AKAP6: variants seen among roughly 807,000 people sequenced by gnomAD.
The protein encoded by AKAP6 is A-kinase anchoring protein 6.
In AKAP6, 58 loss-of-function variants were observed where a neutral mutation model predicts 188.5. The observed-to-expected ratio is 0.31, with a 90% CI of 0.25 to 0.38. The LOEUF is 0.38. Among genes scored for constraint, AKAP6 ranks in the 10% least tolerant of loss-of-function variants. AKAP6 has a pLI of 1.00. For synonymous variants in AKAP6, 989 were observed against 998.6 expected (o/e 0.99, Z 0.18); for missense variants, 2,710 against 2,740.0 (o/e 0.99, Z 0.24).
In AKAP6 at chr14:32,433,539, C is replaced by G; in HGVS notation, c.46C>G (p.Leu16Val). ...ACTTTCCCCCCTGAGGTCACAGGACCTGGATCCCATGGCTACTGATGCTTC... is the reference window on the plus strand; with the variant it reads ...ACTTTCCCCCCTGAGGTCACAGGACGTGGATCCCATGGCTACTGATGCTTC... ...VTLSPLRSQD[L>V]DPMATDASPM... Residue 16 changes from leucine (L) to valine (V), a missense_variant, in exon 2 of 14, where the codon CTG becomes GTG. Around this residue, in one of 2 missense-constraint regions of AKAP6, gnomAD observed 237 missense variants for 313.9 expected, o/e 0.76. Coordinates refer to ENST00000280979, the MANE Select transcript of AKAP6 (RefSeq NM_004274.5). 2 of 1,614,124 alleles carry G rather than the reference C, an allele frequency of 1.2e-6. No individual in the cohort carries two copies. The highest frequency in any genetic ancestry group is 1.7e-6 in the Non-Finnish European group (2 of 1,180,010).
At chr14:32,651,633 A>G (rs1888232001) in intron 7 of AKAP6, among the ~76,000 whole-genome samples, 1 of 152,146 alleles carries the variant, frequency 6.6e-6, no homozygotes, top group Non-Finnish European at 1.5e-5. Context: ...CACATGGCAG[A>G]AGGAATGGAT....
chr14:32,665,564 C>T (rs907496629), intron 7 of AKAP6, among the ~76,000 whole-genome samples: 15 of 152,126 alleles, frequency 9.9e-5, no homozygotes, highest in African/African-American at 3.6e-4. Context: ...TGAACTCTGT[C>T]CTCTTGGGGT....
At chr14:32,803,296 AC>A (rs1353442998) in intron 12 of AKAP6, among the ~76,000 whole-genome samples, 6 of 151,920 alleles carry the variant, frequency 3.9e-5, no homozygotes, top group Admixed American at 6.6e-5. Flanking sequence ...AAAAAACAAA[AC>A]AAATATTTTT....
At chr14:32,731,480 G>C (rs1045937403) in intron 9 of AKAP6, among the ~76,000 whole-genome samples, 1 of 151,906 alleles carries the variant, frequency 6.6e-6, no homozygotes. Context: ...GGTCATGTAG[G>C]GCAAAAGAAC....
chr14:32,820,653 T>C (rs2034495779), intron 12 of AKAP6, among the ~76,000 whole-genome samples: 1 of 152,118 alleles, frequency 6.6e-6, no homozygotes, highest in Admixed American at 6.5e-5. Flanking sequence ...GAAGTCTCTG[T>C]CACAGATAGA....
chr14:32,524,662 C>T (rs144158966), intron 2 of AKAP6, among the ~76,000 whole-genome samples: 325 of 152,178 alleles, frequency 2.1e-3, no homozygotes, highest in African/African-American at 7.1e-3. Flanking sequence ...TGTTTTCTGG[C>T]GCACAAAGAA....
intron 1 of AKAP6, among the ~76,000 whole-genome samples, chr14:32,330,365 A>G (rs180812765): frequency 6.6e-6 from 1 of 152,126 alleles, no homozygotes. Context: ...GTTTTTAGGC[A>G]TCTTTATTAT....
intron 7 of AKAP6, among the ~76,000 whole-genome samples, chr14:32,669,046 AC>A (rs1889067194): frequency 6.6e-6 from 1 of 152,080 alleles, no homozygotes; most frequent in Non-Finnish European, 1.5e-5. Flanking sequence ...TATTGGTCTT[AC>A]CCTTGAATGA....
intron 4 of AKAP6, among the ~76,000 whole-genome samples, chr14:32,564,523 T>A (rs1884104230): frequency 6.6e-6 from 1 of 152,180 alleles, no homozygotes; most frequent in African/African-American, 2.4e-5. Context: ...GAGGAGCATT[T>A]GAGCTTGATC....
In AKAP6 at chr14:32,482,493, A is replaced by G. The variant is rs140219110; in HGVS notation, c.324+48676A>G. The stretch of plus-strand genomic sequence containing the variant: ...ACTTGTCAGAGATTATTTCCTGACC[A>G]CTCTATATAAAGCAGCATCCTCACT... On this transcript the variant is annotated intron_variant, in intron 2 of 13. Coordinates refer to ENST00000280979, the MANE Select transcript of AKAP6 (RefSeq NM_004274.5). Among the ~76,000 whole-genome samples the G allele has an allele frequency of 8.6e-4, 131 of 151,892 alleles. 3 individuals carry two copies. In the East Asian group the frequency reaches 0.021, roughly 25 times the overall value.
chr14:32,781,501 A>G (rs924327622), intron 12 of AKAP6, among the ~76,000 whole-genome samples: 3 of 152,212 alleles, frequency 2.0e-5, no homozygotes, highest in Admixed American at 6.5e-5. Flanking sequence ...TAAAGAATAC[A>G]TAATATTAAT....
At chr14:32,728,225 T>C (rs1471535962) in intron 9 of AKAP6, among the ~76,000 whole-genome samples, 6 of 143,918 alleles carry the variant, frequency 4.2e-5, no homozygotes, top group African/African-American at 1.6e-4. Context: ...TTTTTTTTTT[T>C]TTTTTTGCAA....
intron 12 of AKAP6, among the ~76,000 whole-genome samples, chr14:32,814,922 T>G (rs1317298544): frequency 1.3e-5 from 2 of 152,106 alleles, no homozygotes; most frequent in Non-Finnish European, 2.9e-5. Flanking sequence ...AAGAAGCTGC[T>G]TCATGCCAGG....
At chr14:32,696,794 TA>T (rs202150922) in intron 9 of AKAP6, among the ~76,000 whole-genome samples, 3,749 of 137,242 alleles carry the variant, frequency 0.027, 80 homozygotes, top group African/African-American at 0.061. Flanking sequence ...TGATTTTGCC[TA>T]AAAAAAAAAA....
rs1250062296 is a variant in AKAP6, at chr14:32,833,668, C to T, written c.*3863C>T. 2.0e-5 allele frequency: 3 copies of T among 152,070 alleles called. No homozygotes were observed. The highest frequency in any genetic ancestry group is 2.1e-4 in the South Asian group (1 of 4,810). 9.4% of individuals were successfully genotyped at this position (152,070 alleles called of 1,614,324 possible). A position where few individuals can be genotyped will look rare whatever the true frequency, so the allele number is the denominator to read the frequency against. ...TAGATGAAAATATCAATGAAATGAT[C>T]CAGGTCTGTCTTACAAGTCAATTTG... On this transcript the variant is annotated 3_prime_UTR_variant, in exon 14 of 14. Coordinates refer to ENST00000280979, the MANE Select transcript of AKAP6 (RefSeq NM_004274.5).
chr14:32,713,339 G>T (rs534128866), intron 9 of AKAP6, among the ~76,000 whole-genome samples: 3 of 152,144 alleles, frequency 2.0e-5, no homozygotes, highest in East Asian at 3.9e-4. Context: ...TAGGAAATGA[G>T]CACTGGCTTC....
At chr14:32,413,226 G>A (rs982505073) in intron 1 of AKAP6, among the ~76,000 whole-genome samples, 1 of 145,930 alleles carries the variant, frequency 6.9e-6, no homozygotes, top group African/African-American at 2.6e-5. Context: ...TTGTTGCCCA[G>A]GCTGGAGTTC....
rs1401821896 is a variant in AKAP6, at chr14:32,599,463, GGAA to G, written c.2525_2527del (p.Glu842del). Reference sequence around the variant, plus strand: ...GTGCTCTCAAGGAAGCTGTGGAGGAGGAAGGACACCAACTTCTTGAGCTTATTG... The same window carrying G: ...GTGCTCTCAAGGAAGCTGTGGAGGAGGGACACCAACTTCTTGAGCTTATTG... On this transcript the variant is annotated inframe_deletion, in exon 6 of 14. Coordinates refer to ENST00000280979, the MANE Select transcript of AKAP6 (RefSeq NM_004274.5). 1 of 1,613,342 alleles carries G rather than the reference GGAA, an allele frequency of 6.2e-7. No individual in the cohort carries two copies. Among genetic ancestry groups the G allele is most frequent in the Non-Finnish European group, 8.5e-7 (1 of 1,179,552 alleles).
At chr14:32,784,205 T>C (rs2033335842) in intron 12 of AKAP6, among the ~76,000 whole-genome samples, 1 of 152,204 alleles carries the variant, frequency 6.6e-6, no homozygotes, top group African/African-American at 2.4e-5. Context: ...TGTGAATTGG[T>C]TGACCACTGA....
Sources: allele counts gnomAD v4.1 joint callset (sites outside exome capture counted in the v4.1 genomes callset), GRCh38; gene constraint gnomAD v4.1.1; regional missense constraint gnomAD v4.1.1; transcripts MANE v1.5; gene names NCBI Gene and HGNC (gene_info 2026-07-23, HGNC 2026-07-21).